Variants in MOGAT1 observed in about 807,000 individuals in gnomAD.
MOGAT1 encodes monoacylglycerol O-acyltransferase 1.
MOGAT1 carries 32 observed loss-of-function variants against 31.4 expected under a neutral mutation model. The ratio of observed to expected loss-of-function variants is 1.02; its 90% CI spans 0.77 to 1.37. The LOEUF is 1.37. Among genes scored for constraint, MOGAT1 ranks in the 40% most tolerant of loss-of-function variants. The pLI is 0.00. For synonymous variants in MOGAT1, 145 were observed against 144.5 expected (o/e 1.00, Z -0.03); for missense variants, 426 against 402.0 (o/e 1.06, Z -0.51).
At chr2:222,683,163 C>G (rs1174554136) in intron 1 of MOGAT1, among the ~76,000 whole-genome samples, 2 of 149,104 alleles carry the variant, frequency 1.3e-5, no homozygotes, top group African/African-American at 5.0e-5. Context: ...ATGTTTATGC[C>G]ATGGCACTCC....
chr2:222,675,614 G>A (rs1692485399), intron 1 of MOGAT1, among the ~76,000 whole-genome samples: 1 of 151,616 alleles, frequency 6.6e-6, no homozygotes, highest in African/African-American at 2.4e-5. Flanking sequence ...TGAGTATCTG[G>A]GACTACAGGC....
chr2:222,689,008 G>C lies in MOGAT1; in HGVS notation c.274-257G>C, dbSNP rs1692718405. 7.2e-5 allele frequency among the ~76,000 whole-genome samples: 11 copies of C among 152,190 alleles called. No homozygotes were observed. In the South Asian group the frequency reaches 2.3e-3, roughly 32 times the overall value. ...TTTTGAGGGAAACATTCAAACCATA[G>C]CAGGGAGAAAGGCTGCAATTTGGTT... On this transcript the variant is annotated intron_variant, in intron 2 of 5. Coordinates refer to ENST00000446656, the MANE Select transcript of MOGAT1 (RefSeq NM_058165.3).
At chr2:222,705,072 G>A (rs151063037) in intron 5 of MOGAT1, among the ~76,000 whole-genome samples, 122 of 152,256 alleles carry the variant, frequency 8.0e-4, no homozygotes, top group African/African-American at 2.6e-3. Context: ...GATTATATGC[G>A]AAACAAAGGG....
At chr2:222,677,548 G>A (rs1692517516) in intron 1 of MOGAT1, 1 of 166,750 alleles carries the variant, frequency 6.0e-6, no homozygotes, top group Non-Finnish European at 1.3e-5. Context: ...CAGCTTCTAG[G>A]TCTAAGGCTA....
chr2:222,683,460 G>A (rs1692616146), intron 1 of MOGAT1, among the ~76,000 whole-genome samples: 1 of 151,488 alleles, frequency 6.6e-6, no homozygotes, highest in Non-Finnish European at 1.5e-5. Flanking sequence ...AGGCGCAGTG[G>A]CTCACGCTTG....
Position 222,709,762 on chromosome 2 carries a change from A to G in MOGAT1, c.880A>G (p.Thr294Ala), listed in dbSNP as rs200570621. Residue 294 changes from threonine to alanine, a missense_variant, in exon 6 of 6, where the codon ACT (threonine) becomes GCT (alanine). Transcript: ENST00000446656. ...TGGCCGCCCGATCCCTGTTCGTCAG[A>G]CTCTGAACCCGACCCAGGAGCAGAT... The part of the protein sequence containing the change: ...VVGRPIPVRQ[T>A]LNPTQEQIEE... The G allele has an allele frequency of 1.4e-4, 218 of 1,612,714 alleles. No homozygotes were observed. The highest frequency in any genetic ancestry group is 3.3e-4 in the Middle Eastern group (2 of 6,074).
In MOGAT1 at chr2:222,671,948, A is replaced by G. The variant is rs1692425294; in HGVS notation, c.94+69A>G. 4 of 1,286,932 alleles carry G rather than the reference A, an allele frequency of 3.1e-6. No homozygotes were observed. The South Asian group carries it at 5.1e-5, about 16-fold the overall frequency. The allele number at this position is 1,286,932 out of a possible 1,614,324, so 79.7% of individuals were successfully genotyped here. A position where few individuals can be genotyped will look rare whatever the true frequency, so the allele number is the denominator to read the frequency against. On this transcript the variant is annotated intron_variant, in intron 1 of 5. Transcript: ENST00000446656. ...CCTCCCTCGGGACGGTCCGGATTCC[A>G]GGACCTGCATAGAACCTTCCAACCC...
At chr2:222,709,590 G>A in intron 5 of MOGAT1, 146 bp from the exon 6 acceptor site, 3 of 658,070 alleles carry the variant, frequency 4.6e-6, no homozygotes, top group Non-Finnish European at 7.7e-6. Context: ...ACCACTGCAG[G>A]CAGCCAGTGA....
chr2:222,693,407 A>T (rs1465753995), intron 3 of MOGAT1, among the ~76,000 whole-genome samples: 1 of 151,502 alleles, frequency 6.6e-6, no homozygotes, highest in Admixed American at 6.6e-5. Context: ...TATTGGAAAC[A>T]TGTAGAGATC....
chr2:222,694,968 T>G (rs1358866379), intron 4 of MOGAT1, 121 bp from the exon 5 acceptor site: 1 of 641,588 alleles, frequency 1.6e-6, no homozygotes, highest in Non-Finnish European at 2.6e-6. Context: ...GTTAGCAATA[T>G]AGGAAGGCTT....
In MOGAT1 at chr2:222,689,383, A is replaced by T; in HGVS notation, c.392A>T (p.Asp131Val). 6.2e-7 allele frequency: 1 copy of T among 1,613,992 alleles called. No homozygotes were observed. The highest frequency in any genetic ancestry group is 1.1e-5 in the South Asian group (1 of 91,064). ...NFSVNYSDFK[D>V]LFPGFTSYLH... ...TCTGTAAATTATTCTGACTTCAAGG[A>T]CCTGTTTCCTGGCTTTACTTCATAT... is the stretch of plus-strand genomic sequence containing the variant. The change falls in exon 3 of 6, where the codon GAC becomes GTC. Residue 131 changes from aspartate to valine, a missense_variant. Physicochemically the swap from Asp to Val is radical, Grantham distance 152. Transcript: ENST00000446656.
chr2:222,691,767 G>T (rs1692766384), intron 3 of MOGAT1, among the ~76,000 whole-genome samples: 1 of 152,194 alleles, frequency 6.6e-6, no homozygotes, highest in Non-Finnish European at 1.5e-5. Flanking sequence ...CAGACCTCAC[G>T]TAGTAAGGAA....
rs77250759 is a variant in MOGAT1 at position 222,705,552 on chromosome 2, A to G, written c.854-4184A>G. 4.2e-3 allele frequency among the ~76,000 whole-genome samples: 638 copies of G among 152,294 alleles called. 6 individuals are homozygous for G. The highest frequency in any genetic ancestry group is 0.014 in the African/African-American group (586 of 41,570). On this transcript the variant is annotated intron_variant, in intron 5 of 5. Transcript: ENST00000446656. ...GCCAAGAGGGTGCATGGATACCTCA[A>G]TGTCCTCATTTCTCTGTCTTTTGGC...
In MOGAT1 at chr2:222,671,714, C is replaced by A; in HGVS notation, c.-72C>A. 1 of 1,345,998 alleles carries A rather than the reference C, an allele frequency of 7.4e-7. No individual in the cohort carries two copies. The highest frequency in any genetic ancestry group is 1.0e-6 in the Non-Finnish European group (1 of 966,698). The allele number at this position is 1,345,998 out of a possible 1,614,324, so 83.4% of individuals were successfully genotyped here. On this transcript the variant is annotated 5_prime_UTR_variant, in exon 1 of 6. Transcript: ENST00000446656. ...CGCGGGGCCCGGATCCGGCCGGGCA[C>A]TTCCCACAGGCGCCGCAGAGCAGCG... is the stretch of plus-strand genomic sequence containing the variant.
At chr2:222,706,131 G>A (rs1693000916) in intron 5 of MOGAT1, among the ~76,000 whole-genome samples, 1 of 152,146 alleles carries the variant, frequency 6.6e-6, no homozygotes, top group Admixed American at 6.5e-5. Flanking sequence ...GCAAAGAAAA[G>A]AAGATTATGT....
At chr2:222,689,526 A>C in intron 3 of MOGAT1, 57 bp downstream of exon 3, 1 of 1,491,432 alleles carries the variant, frequency 6.7e-7, no homozygotes, top group Non-Finnish European at 9.4e-7. Context: ...GAGCACACAG[A>C]ACATTCCCTC....
chr2:222,686,698 T>C (rs999402379), intron 1 of MOGAT1, among the ~76,000 whole-genome samples: 1 of 152,210 alleles, frequency 6.6e-6, no homozygotes, highest in African/African-American at 2.4e-5. Flanking sequence ...GGAGGACACA[T>C]GCTACCTTAA....
intron 1 of MOGAT1, chr2:222,677,974 A>AT: frequency 4.0e-6 from 1 of 251,570 alleles, no homozygotes; most frequent in Non-Finnish European, 8.4e-6. Context: ...AAATGTATAG[A>AT]TTTTTTCCAA....
intron 5 of MOGAT1, among the ~76,000 whole-genome samples, chr2:222,705,161 A>T (rs10185253): frequency 0.59 from 88,614 of 151,464 alleles, 26,823 homozygotes; most frequent in Middle Eastern, 0.71. Context: ...ACTGCCATGG[A>T]ACTAATGGGA....
Sources: gnomAD v4.1 joint callset for allele counts (sites outside exome capture counted in the v4.1 genomes callset) on GRCh38, gnomAD v4.1.1 for gene constraint, MANE v1.5 for transcripts, NCBI Gene and HGNC (gene_info 2026-07-23, HGNC 2026-07-21) for gene names.